The following SETD5 variants were observed in gnomAD, a reference collection of about 807,000 sequenced individuals.
SETD5 encodes the protein histone-lysine N-methyltransferase SETD5.
A neutral mutation model predicts 153.3 loss-of-function variants in SETD5; 44 were observed. The ratio of observed to expected loss-of-function variants is 0.29; its 90% CI spans 0.23 to 0.37. SETD5 has a LOEUF of 0.37. SETD5 is among the 10% of genes least tolerant of loss of function. SETD5 has a pLI of 1.00. For missense variants in SETD5, 1,544 were observed against 1,768.0 expected (o/e 0.87, Z 2.27); for synonymous variants, 716 against 645.2 (o/e 1.11, Z -1.66).
chr3:9,435,891 G>A lies in SETD5; in HGVS notation c.552G>A (p.Lys184=). ...KSPEKGRAAP[K]TKKIKNSPSE... is the part of the protein sequence containing the mutation. ...CAGAAAAGGGTCGTGCAGCACCAAA[G>A]ACGAAGAAAATCAAGGTATGCAGGG... The change falls in exon 7 of 23, where the codon AAG becomes AAA. Residue 184 remains lysine (K), a synonymous_variant. Transcript: ENST00000402198. 1.9e-6 allele frequency: 3 copies of A among 1,585,466 alleles called. No individual in the cohort carries two copies. Among genetic ancestry groups the A allele is most frequent in the Non-Finnish European group, 2.6e-6 (3 of 1,166,398 alleles).
chr3:9,447,336 G>C, intron 14 of SETD5, 29 bp downstream of exon 14: 1 of 1,591,610 alleles, frequency 6.3e-7, no homozygotes, highest in Non-Finnish European at 8.5e-7. Flanking sequence ...TCAGCACTTA[G>C]ACATCCTCAC....
chr3:9,428,867 C>G lies in SETD5; in HGVS notation c.-72C>G. ...ATGTTGGATGAGGCTCTGCAGCTCA[C>G]CCCCACTCTCAGAGTGGTCAGTCTC... On this transcript the variant is annotated 5_prime_UTR_variant, in exon 3 of 23. Transcript: ENST00000402198. 9.3e-7 allele frequency: 1 copy of G among 1,080,458 alleles called. No individual in the cohort carries two copies. Among genetic ancestry groups the G allele is most frequent in the Non-Finnish European group, 1.4e-6 (1 of 721,744 alleles). The allele number at this position is 1,080,458 out of a possible 1,614,324, so 66.9% of individuals were successfully genotyped here.
intron 20 of SETD5, 60 bp downstream of exon 20, chr3:9,473,597 G>C: frequency 6.7e-7 from 1 of 1,492,614 alleles, no homozygotes; most frequent in Non-Finnish European, 9.0e-7. Context: ...ATATATCTAA[G>C]ATCATTCCCA....
In SETD5 at chr3:9,470,666, C is replaced by T. The variant is rs532266433; in HGVS notation, c.2932C>T (p.Arg978Trp). 1.7e-5 allele frequency: 28 copies of T among 1,613,842 alleles called. No individual in the cohort carries two copies. The East Asian group carries it at 2.5e-4, about 14-fold the overall frequency. The change falls in exon 19 of 23, where the codon CGG becomes TGG. Residue 978 changes from arginine (R) to tryptophan (W), a missense_variant. Arg to Trp is a moderately radical substitution (Grantham distance 101, BLOSUM62 -3). This residue lies in a region of SETD5 where 782 missense variants were observed against 787.2 expected (regional missense o/e 0.99). Coordinates refer to ENST00000402198, the MANE Select transcript of SETD5 (RefSeq NM_001080517.3). The part of the protein sequence containing the change: ...TLVRNSDQAF[R>W]TEFNLMYAYS... ...CGTGAGAAACTCAGACCAGGCATTT[C>T]GGACAGAGTTCAACTTGATGTATGC...
Position 9,470,585 on chromosome 3 carries a change from G to C in SETD5, c.2851G>C (p.Gly951Arg), listed in dbSNP as rs774946617. ...TGACCTGGCTCCTCATCCCTCCCTC[G>C]GACCCACTTCTGAGACTGGTTTCCC... is the stretch of plus-strand genomic sequence containing the variant. ...HSDLAPHPSL[G>R]PTSETGFPSR... The change falls in exon 19 of 23, where the codon GGA becomes CGA. Residue 951 changes from glycine to arginine, a missense_variant. By Grantham distance (125) the Gly-to-Arg change is moderately radical. Coordinates refer to ENST00000402198, the MANE Select transcript of SETD5 (RefSeq NM_001080517.3). The C allele has an allele frequency of 1.9e-6, 3 of 1,613,822 alleles. No homozygotes were observed. Among genetic ancestry groups the C allele is most frequent in the Non-Finnish European group, 2.5e-6 (3 of 1,179,860 alleles).
chr3:9,446,188 A>G lies in SETD5; in HGVS notation c.1524+448A>G, dbSNP rs538906841. Among the ~76,000 whole-genome samples the G allele has an allele frequency of 2.0e-4, 30 of 150,024 alleles. No homozygotes were observed. In the South Asian group the frequency reaches 5.5e-3, roughly 28 times the overall value. Reference sequence around the variant, plus strand: ...TGTAGTCCCAGCTACTCGGGAGGCTAAGGCAGGAGAATGGCATGAACCTGG... The same window carrying G: ...TGTAGTCCCAGCTACTCGGGAGGCTGAGGCAGGAGAATGGCATGAACCTGG... On this transcript the variant is annotated intron_variant, in intron 13 of 22. Transcript: ENST00000402198.
At chr3:9,454,313 T>G (rs937483899) in intron 17 of SETD5, among the ~76,000 whole-genome samples, 5 of 152,058 alleles carry the variant, frequency 3.3e-5, no homozygotes, top group African/African-American at 1.2e-4. Context: ...GCTTGTATAA[T>G]TAGCATACAA....
intron 1 of SETD5, among the ~76,000 whole-genome samples, chr3:9,420,935 T>C (rs759342578): frequency 6.6e-6 from 1 of 152,166 alleles, no homozygotes; most frequent in African/African-American, 2.4e-5. Context: ...TGTTTAGCCA[T>C]ATTCAGGTTA....
In SETD5 at chr3:9,470,841, A is replaced by T; in HGVS notation, c.3107A>T (p.Asp1036Val). 1 of 1,612,152 alleles carries T rather than the reference A, an allele frequency of 6.2e-7. No individual in the cohort carries two copies. ...SSRYEHGLMK[D>V]LSRGSLSPGG... ...AGATATGAACATGGCTTAATGAAAG[A>T]CCTCTCTCGTGGATCCTTGTCACCT... The change falls in exon 19 of 23, where the codon GAC becomes GTC. Residue 1036 changes from aspartate (D) to valine (V), a missense_variant. This residue lies in a region of SETD5 where 782 missense variants were observed against 787.2 expected (regional missense o/e 0.99). Coordinates refer to ENST00000402198, the MANE Select transcript of SETD5 (RefSeq NM_001080517.3).
chr3:9,475,158 T>C lies in SETD5; in HGVS notation c.3720+2T>C, dbSNP rs1367205806. ...AGCCCTTCCAGATACAGCTACCAGG[T>C]GAGATGAGAAATTGCTGGTCTCTAG... On this transcript the variant is annotated splice_donor_variant, in intron 22 of 22. Transcript: ENST00000402198. LOFTEE classifies it high-confidence loss of function. 1 of 1,575,628 alleles carries C rather than the reference T, an allele frequency of 6.3e-7. No homozygotes were observed. Among genetic ancestry groups the C allele is most frequent in the East Asian group, 2.3e-5 (1 of 42,978 alleles).
chr3:9,441,670 T>C lies in SETD5; in HGVS notation c.888T>C (p.Thr296=). 6.2e-7 allele frequency: 1 copy of C among 1,614,012 alleles called. No homozygotes were observed. Among genetic ancestry groups the C allele is most frequent in the Non-Finnish European group, 8.5e-7 (1 of 1,179,876 alleles). Reference sequence around the variant, plus strand: ...CTGCAAGAGATTTGGCTTTGGACACTCTTATAATAGAGTATCGTGGGAAAG... The same window carrying C: ...CTGCAAGAGATTTGGCTTTGGACACCCTTATAATAGAGTATCGTGGGAAAG... ...LRAARDLALD[T]LIIEYRGKVM... Residue 296 remains threonine (T), a synonymous_variant, in exon 9 of 23, where the codon ACT becomes ACC. Coordinates refer to ENST00000402198, the MANE Select transcript of SETD5 (RefSeq NM_001080517.3).
chr3:9,405,941 T>C (rs1366565931), intron 1 of SETD5, among the ~76,000 whole-genome samples: 1 of 152,240 alleles, frequency 6.6e-6, no homozygotes, highest in African/African-American at 2.4e-5. Context: ...TTTCACAGTT[T>C]CTGTGAAGTA....
intron 18 of SETD5, chr3:9,468,544 C>T: frequency 7.7e-7 from 1 of 1,304,266 alleles, no homozygotes; most frequent in Non-Finnish European, 1.0e-6. Flanking sequence ...GAGAGTTCCC[C>T]TGCGCATAGG....
chr3:9,447,866 A>C lies in SETD5; in HGVS notation c.1963A>C (p.Ser655Arg). 1.2e-6 allele frequency: 2 copies of C among 1,614,060 alleles called. No homozygotes were observed. Among genetic ancestry groups the C allele is most frequent in the Non-Finnish European group, 1.7e-6 (2 of 1,179,900 alleles). The change falls in exon 15 of 23, where the codon AGT (serine) becomes CGT (arginine). Residue 655 changes from serine to arginine, a missense_variant. By Grantham distance (110) the Ser-to-Arg change is moderately radical. This residue lies in a region of SETD5 where 782 missense variants were observed against 787.2 expected (regional missense o/e 0.99). Transcript: ENST00000402198. ...QAALEEGGSN[S>R]LVTPTEAGSL... ...TGCCTTGGAAGAGGGAGGAAGTAAC[A>C]GTTTAGTAACTCCTACTGAAGCTGG...
chr3:9,442,748 G>A (rs560334495), intron 10 of SETD5: 115 of 170,782 alleles, frequency 6.7e-4, no homozygotes, highest in African/African-American at 2.6e-3. Flanking sequence ...GCTATAAGAT[G>A]TGAAAGCGGC....
intron 7 of SETD5, among the ~76,000 whole-genome samples, chr3:9,439,266 G>A (rs1051853653): frequency 3.3e-5 from 5 of 152,028 alleles, no homozygotes; most frequent in Non-Finnish European, 1.5e-5. Context: ...TCAGTCTTTT[G>A]GACTCTAGTA....
intron 11 of SETD5, among the ~76,000 whole-genome samples, chr3:9,444,111 A>G (rs561630353): frequency 2.6e-4 from 40 of 152,338 alleles, no homozygotes; most frequent in African/African-American, 8.4e-4. Flanking sequence ...TAATTTGTCA[A>G]TTATACCCTT....
intron 3 of SETD5, chr3:9,430,631 A>G (rs2039848626): frequency 9.6e-6 from 2 of 209,380 alleles, no homozygotes; most frequent in African/African-American, 2.4e-5. Context: ...TAGATTGTCT[A>G]ACTGTATAGA....
rs1305374502 is a variant in SETD5 at position 9,470,473 on chromosome 3, A to G, written c.2739A>G (p.Lys913=). 6.2e-7 allele frequency: 1 copy of G among 1,608,356 alleles called. No individual in the cohort carries two copies. Among genetic ancestry groups the G allele is most frequent in the Admixed American group, 1.7e-5 (1 of 59,638 alleles). ...TATTCTTTCAGCTTTGTCACCGAAA[A>G]GACCTGGATTTGGCAAAAGTAGGAT... The part of the protein sequence containing the change: ...TPLQFELCHR[K]DLDLAKVGYL... Residue 913 remains lysine (K), a synonymous_variant, in exon 19 of 23, where the codon AAA becomes AAG. Coordinates refer to ENST00000402198, the MANE Select transcript of SETD5 (RefSeq NM_001080517.3).
Sources: gnomAD v4.1 joint callset for allele counts (sites outside exome capture counted in the v4.1 genomes callset) on GRCh38, gnomAD v4.1.1 for gene constraint, gnomAD v4.1.1 regional missense constraint, MANE v1.5 for transcripts, NCBI Gene and HGNC (gene_info 2026-07-23, HGNC 2026-07-21) for gene names.